The following SNX25 variants were observed in gnomAD, a reference collection of about 807,000 sequenced individuals.
SNX25 encodes sorting nexin 25.
SNX25 carries 62 observed loss-of-function variants against 113.7 expected under a neutral mutation model. The observed-to-expected ratio is 0.55, with a 90% confidence interval of 0.44 to 0.67. The LOEUF is 0.67. Among genes scored for constraint, SNX25 ranks in the 30% least tolerant of loss-of-function variants. The pLI is 0.00. For missense variants in SNX25, 1,014 were observed against 1,161.0 expected, an observed-to-expected ratio of 0.87 and a Z score of 1.84; for synonymous variants, 421 against 436.2, an observed-to-expected ratio of 0.97 and a Z score of 0.43.
chr4:185,331,077 C>T (rs1246315028), intron 9 of SNX25, among the ~76,000 whole-genome samples: 1 of 152,158 alleles, frequency 6.6e-6, no homozygotes, highest in Non-Finnish European at 1.5e-5. Flanking sequence ...CTACCTTCAC[C>T]TCGGATTCAA....
In SNX25 at chr4:185,357,609, A is replaced by G. The variant is rs1333638784; in HGVS notation, c.2585-62A>G. The G allele has an allele frequency of 3.1e-6, 4 of 1,309,942 alleles. No homozygotes were observed. In the Admixed American group the frequency reaches 5.0e-5, roughly 16 times the overall value. The allele number at this position is 1,309,942 out of a possible 1,614,324, so 81.1% of individuals were successfully genotyped here. ...GGTAAGATTTATGCTTTGTACAGCT[A>G]TGAAAATGTCCCAAATTGTGATGCC... On this transcript the variant is annotated intron_variant, in intron 15 of 18. Transcript: ENST00000652585.
upstream of SNX25, among the ~76,000 whole-genome samples, chr4:185,205,226 C>T (rs750607733): frequency 3.9e-5 from 6 of 152,154 alleles, no homozygotes; most frequent in African/African-American, 7.2e-5. Context: ...GAGGCCGAGG[C>T]GGGTGGGGCC....
intron 1 of SNX25, among the ~76,000 whole-genome samples, chr4:185,240,517 G>A (rs374798768): frequency 0.32 from 46,101 of 143,612 alleles, 8,470 homozygotes; most frequent in East Asian, 0.52. Context: ...CTGGCTGGGC[G>A]GGGGGCTGAC....
chr4:185,215,183 C>G (rs937698599), intron 1 of SNX25, among the ~76,000 whole-genome samples: 2 of 151,904 alleles, frequency 1.3e-5, no homozygotes, highest in Admixed American at 6.6e-5. Context: ...GAGCCGAGAT[C>G]GTGCCACTGC....
intron 8 of SNX25, 69 bp from the exon 9 acceptor site, chr4:185,323,459 A>G: frequency 6.8e-7 from 1 of 1,461,920 alleles, no homozygotes; most frequent in South Asian, 1.3e-5. Context: ...AAATGCAAAT[A>G]ATTCAGAGAA....
At chr4:185,244,815 G>C (rs1165319089) in intron 1 of SNX25, among the ~76,000 whole-genome samples, 1 of 152,132 alleles carries the variant, frequency 6.6e-6, no homozygotes, top group African/African-American at 2.4e-5. Context: ...AAGAAATCTT[G>C]AATCTATGGC....
intron 1 of SNX25, among the ~76,000 whole-genome samples, chr4:185,219,030 C>T (rs564138066): frequency 6.6e-6 from 1 of 152,288 alleles, no homozygotes; most frequent in South Asian, 2.1e-4. Flanking sequence ...TCTCAACTTA[C>T]ATTCTTCCAT....
chr4:185,242,046 A>G (rs1744133781), intron 1 of SNX25, among the ~76,000 whole-genome samples: 2 of 147,246 alleles, frequency 1.4e-5, no homozygotes, highest in South Asian at 4.5e-4. Context: ...GAAAATGATT[A>G]GTGGATTCTA....
chr4:185,292,820 T>A (rs1401279635), intron 6 of SNX25, among the ~76,000 whole-genome samples: 2 of 152,170 alleles, frequency 1.3e-5, no homozygotes, highest in African/African-American at 4.8e-5. Flanking sequence ...GAGGCTGAGC[T>A]GGGAGGATTG....
intron 1 of SNX25, among the ~76,000 whole-genome samples, chr4:185,217,196 C>G (rs929811034): frequency 4.0e-5 from 6 of 151,204 alleles, no homozygotes; most frequent in Non-Finnish European, 8.8e-5. Context: ...TTTGGGAGGC[C>G]GAGCCAAGGT....
At chr4:185,330,458 G>A (rs140920028) in intron 9 of SNX25, among the ~76,000 whole-genome samples, 43 of 152,280 alleles carry the variant, frequency 2.8e-4, no homozygotes, top group African/African-American at 9.4e-4. Flanking sequence ...TTAAAATGGC[G>A]GTGCTTGTCC....
chr4:185,374,144 C>T (rs552283919), downstream of SNX25: 413 of 1,613,772 alleles, frequency 2.6e-4, 3 homozygotes, highest in South Asian at 4.2e-3. Context: ...CCTTTTCTAA[C>T]TCCTTGGGCT....
At chr4:185,335,796 TCACTGTGAAG>T (rs2095226360) in intron 10 of SNX25, among the ~76,000 whole-genome samples, 1 of 152,292 alleles carries the variant, frequency 6.6e-6, no homozygotes, top group South Asian at 2.1e-4. Context: ...GCTGTGCGAG[TCACTGTGAAG>T]AATCAGTGTA....
intron 1 of SNX25, among the ~76,000 whole-genome samples, chr4:185,231,131 C>T (rs1351146991): frequency 6.7e-6 from 1 of 149,204 alleles, no homozygotes; most frequent in Non-Finnish European, 1.5e-5. Context: ...CAGTGTTTCG[C>T]TCTGTCGCCC....
At chr4:185,371,020 C>G, downstream of SNX25, 1 of 502,766 alleles carries the variant, frequency 2.0e-6, no homozygotes. Context: ...CTTCACATGT[C>G]TCTGTAATTA....
chr4:185,217,773 C>T (rs764625994), intron 1 of SNX25, among the ~76,000 whole-genome samples: 2 of 152,098 alleles, frequency 1.3e-5, no homozygotes, highest in Non-Finnish European at 2.9e-5. Flanking sequence ...AAAAAGGTGA[C>T]GCAGCAAGTT....
At chr4:185,351,388 T>A in intron 13 of SNX25, 57 bp from the exon 14 acceptor site, 1 of 1,567,834 alleles carries the variant, frequency 6.4e-7, no homozygotes, top group Non-Finnish European at 8.7e-7. Context: ...TACTTGTAGC[T>A]CCCAGCCACA....
chr4:185,313,037 G>A (rs57775388), intron 7 of SNX25, among the ~76,000 whole-genome samples: 8,523 of 152,190 alleles, frequency 0.056, 284 homozygotes, highest in African/African-American at 0.068. Context: ...GAAAACTTTT[G>A]CTATGACCTA....
At chr4:185,375,516 G>GTATATATATATGTATA in the SNX25 span, 1,285 of 46,386 alleles carry the variant, frequency 0.028, 29 homozygotes, top group East Asian at 0.042. Flanking sequence ...ATATATATAT[G>GTATATATATATGTATA]TATATATATA....
Sources: allele counts gnomAD v4.1 joint callset (sites outside exome capture counted in the v4.1 genomes callset), GRCh38; gene constraint gnomAD v4.1.1; transcripts MANE v1.5; gene names NCBI Gene and HGNC (gene_info 2026-07-23, HGNC 2026-07-21).